The following CEP89 variants were observed in gnomAD, a reference collection of about 807,000 sequenced individuals.
The protein encoded by CEP89 is centrosomal protein of 89 kDa.
A neutral mutation model predicts 97.6 loss-of-function variants in CEP89; 95 were observed. The observed-to-expected ratio is 0.97, with a 90% CI of 0.82 to 1.15. The LOEUF (loss-of-function observed/expected upper bound fraction) is 1.15, where lower values mean the gene tolerates loss of function less well. CEP89 is among the 50% of genes most tolerant of loss of function. CEP89 has a pLI of 0.00. For missense variants in CEP89, 869 were observed against 947.7 expected, an observed-to-expected ratio of 0.92 and a Z score of 1.09; for synonymous variants, 354 against 349.1, an observed-to-expected ratio of 1.01 and a Z score of -0.16.
At chr19:32,893,331 A>G (rs1158453822) in intron 16 of CEP89, among the ~76,000 whole-genome samples, 3 of 152,200 alleles carry the variant, frequency 2.0e-5, no homozygotes, top group Non-Finnish European at 4.4e-5. Context: ...CAATAAGAGG[A>G]CATATACTCT....
intron 16 of CEP89, among the ~76,000 whole-genome samples, chr19:32,891,055 G>C (rs1053754883): frequency 1.3e-5 from 2 of 152,200 alleles, no homozygotes; most frequent in Non-Finnish European, 2.9e-5. Flanking sequence ...TGCATACCCA[G>C]AAGAGTGTGG....
intron 18 of CEP89, among the ~76,000 whole-genome samples, chr19:32,880,805 C>T (rs1395979310): frequency 6.6e-6 from 1 of 152,120 alleles, no homozygotes; most frequent in African/African-American, 2.4e-5. Context: ...GACAAAGTAT[C>T]AGTTGCTTTG....
At chr19:32,948,647 G>A (rs917712287) in intron 4 of CEP89, among the ~76,000 whole-genome samples, 3 of 152,018 alleles carry the variant, frequency 2.0e-5, no homozygotes, top group Non-Finnish European at 4.4e-5. Flanking sequence ...ATGTTGCCAG[G>A]GCAGCTTCCC....
intron 4 of CEP89, 59 bp downstream of exon 4, chr19:32,953,556 T>G: frequency 4.3e-6 from 6 of 1,384,116 alleles, no homozygotes; most frequent in Non-Finnish European, 4.9e-6. Context: ...ATGCACTAAT[T>G]TACCAAAAGT....
intron 3 of CEP89, among the ~76,000 whole-genome samples, chr19:32,957,109 T>C (rs942386810): frequency 2.6e-5 from 4 of 152,230 alleles, no homozygotes; most frequent in African/African-American, 4.8e-5. Flanking sequence ...TGGGCACCTC[T>C]GTATCACTCA....
chr19:32,964,612 T>C (rs1273580004), intron 2 of CEP89, among the ~76,000 whole-genome samples: 1 of 152,220 alleles, frequency 6.6e-6, no homozygotes, highest in Non-Finnish European at 1.5e-5. Flanking sequence ...AAGGATGAAT[T>C]ATTGACTTTC....
intron 4 of CEP89, among the ~76,000 whole-genome samples, chr19:32,951,974 G>A (rs73035544): frequency 0.056 from 8,584 of 152,204 alleles, 293 homozygotes; most frequent in South Asian, 0.15. Context: ...GTGTGCGGGT[G>A]AGGAGCAGTG....
At chr19:32,949,499 C>T (rs1448220514) in intron 4 of CEP89, among the ~76,000 whole-genome samples, 1 of 152,128 alleles carries the variant, frequency 6.6e-6, no homozygotes, top group African/African-American at 2.4e-5. Context: ...AATCCTCCAC[C>T]TCAGCCTCCC....
chr19:32,913,364 T>C (rs1157057115), intron 14 of CEP89, among the ~76,000 whole-genome samples: 2 of 150,904 alleles, frequency 1.3e-5, no homozygotes, highest in Middle Eastern at 3.4e-3. Context: ...CCCAGGCTGA[T>C]CTCAAACTCC....
intron 9 of CEP89, chr19:32,931,185 C>T (rs147377823): frequency 4.5e-4 from 195 of 430,452 alleles, no homozygotes; most frequent in African/African-American, 3.0e-3. Flanking sequence ...CCACCTCATC[C>T]GGCCTCTTTT....
chr19:32,916,114 A>G (rs927006004), intron 13 of CEP89, among the ~76,000 whole-genome samples: 5 of 151,740 alleles, frequency 3.3e-5, no homozygotes, highest in Non-Finnish European at 5.9e-5. Flanking sequence ...CCATCTCTAC[A>G]TAAAAATTTA....
chr19:32,962,616 A>C (rs1971193856), intron 2 of CEP89, among the ~76,000 whole-genome samples: 1 of 152,226 alleles, frequency 6.6e-6, no homozygotes, highest in African/African-American at 2.4e-5. Context: ...AAAAATTGTA[A>C]GCTGGACTTC....
At position 32,937,611 on chromosome 19, in the gene CEP89, A is replaced by G. The variant is rs777847004; in HGVS notation, c.667+20T>C. 1.9e-6 allele frequency: 3 copies of G among 1,553,454 alleles called. No individual in the cohort carries two copies. Among genetic ancestry groups the G allele is most frequent in the Non-Finnish European group, 2.7e-6 (3 of 1,126,442 alleles). On this transcript the variant is annotated intron_variant, in intron 7 of 18. Coordinates refer to ENST00000305768, the MANE Select transcript of CEP89 (RefSeq NM_032816.5). ...CCAAAACAAGCTTTTCAATCATAAT[A>G]TAATTCAAAAGGCAAATACCTGGGG...
intron 17 of CEP89, among the ~76,000 whole-genome samples, chr19:32,885,612 G>A (rs914093540): frequency 6.6e-6 from 1 of 152,172 alleles, no homozygotes; most frequent in Admixed American, 6.5e-5. Flanking sequence ...ATGAGTCACT[G>A]TGCCTGGCCA....
intron 14 of CEP89, among the ~76,000 whole-genome samples, chr19:32,908,537 T>C (rs187798886): frequency 6.6e-6 from 1 of 152,280 alleles, no homozygotes; most frequent in Admixed American, 6.5e-5. Flanking sequence ...AGCTCGAATA[T>C]GTGGAATTCC....
chr19:32,955,881 T>C (rs1971036832), intron 3 of CEP89, among the ~76,000 whole-genome samples: 1 of 152,158 alleles, frequency 6.6e-6, no homozygotes, highest in African/African-American at 2.4e-5. Context: ...CACAAAATCA[T>C]TTCTCCAAGC....
intron 3 of CEP89, among the ~76,000 whole-genome samples, chr19:32,956,130 A>G (rs1482183156): frequency 1.0e-4 from 14 of 134,556 alleles, no homozygotes; most frequent in Admixed American, 6.7e-4. Flanking sequence ...ATCTTGGCTC[A>G]CTGCAAGCTC....
chr19:32,926,835 TAC>T, intron 10 of CEP89, 97 bp downstream of exon 10: 3 of 1,014,550 alleles, frequency 3.0e-6, no homozygotes, highest in Non-Finnish European at 4.6e-6. Context: ...GTGCTGGGAT[TAC>T]AGACATGAGC....
chr19:32,936,464 C>T lies in CEP89; in HGVS notation c.667+1167G>A, dbSNP rs970188870. Among the ~76,000 whole-genome samples, 1 of 152,084 alleles carries T rather than the reference C, an allele frequency of 6.6e-6. No individual in the cohort carries two copies. The highest frequency in any genetic ancestry group is 6.5e-5 in the Admixed American group (1 of 15,270). On this transcript the variant is annotated intron_variant, in intron 7 of 18. Coordinates refer to ENST00000305768, the MANE Select transcript of CEP89 (RefSeq NM_032816.5). The surrounding 1 kb of genome is among the most constrained non-coding windows in gnomAD (Gnocchi z 4.5). ...AGCAGGCAGGTCCCCGGTGAGGCCC[C>T]GCCTTCAGGTCGGAGAGGGCCTGAA...
Sources: gnomAD v4.1 joint callset for allele counts (sites outside exome capture counted in the v4.1 genomes callset) on GRCh38, gnomAD v4.1.1 for gene constraint, Gnocchi (gnomAD v3.1) non-coding constraint, MANE v1.5 for transcripts, NCBI Gene and HGNC (gene_info 2026-07-23, HGNC 2026-07-21) for gene names.